Variants in CHRNA1 observed in about 807,000 individuals in gnomAD.
CHRNA1 encodes cholinergic receptor nicotinic alpha 1 subunit, also known as acetylcholine receptor subunit alpha.
In CHRNA1, 35 loss-of-function variants were observed where a neutral mutation model predicts 47.1. The ratio of observed to expected loss-of-function variants is 0.74; its 90% confidence interval spans 0.57 to 0.99. CHRNA1 has a LOEUF of 0.99. CHRNA1 is among the 50% of genes least tolerant of loss of function. The probability of loss-of-function intolerance (pLI) is 0.00; values close to 1 mark genes in which losing one functional copy is unlikely to be tolerated. For synonymous variants in CHRNA1, 229 were observed against 223.6 expected (o/e 1.02, Z -0.22); for missense variants, 506 against 591.1 (o/e 0.86, Z 1.49).
chr2:174,755,351 C>A (rs1683959328), intron 4 of CHRNA1, among the ~76,000 whole-genome samples: 1 of 152,108 alleles, frequency 6.6e-6, no homozygotes, highest in East Asian at 1.9e-4. Flanking sequence ...CCCTGAGGCG[C>A]CCATGTGGGA....
rs1558910143 is a variant in CHRNA1, at chr2:174,750,179, CCAA to C, written c.779-13_779-11del. 27 of 1,393,096 alleles carry C rather than the reference CCAA, an allele frequency of 1.9e-5. No individual in the cohort carries two copies. Among genetic ancestry groups the C allele is most frequent in the Admixed American group, 1.3e-4 (5 of 37,074 alleles). 86.3% of individuals were successfully genotyped at this position (1,393,096 alleles called of 1,614,324 possible). ...AGAGTCATCTTCTCCCCTGAAAAGA[CCAA>C]AAAAAAAAAAAAAAATCCCACAACT... On this transcript the variant is annotated splice_polypyrimidine_tract_variant and intron_variant, in intron 6 of 8. Coordinates refer to ENST00000348749, the MANE Select transcript of CHRNA1 (RefSeq NM_000079.4).
chr2:174,748,420 G>T (rs1683777606), intron 8 of CHRNA1, among the ~76,000 whole-genome samples, 160 bp downstream of exon 8: 1 of 152,140 alleles, frequency 6.6e-6, no homozygotes, highest in Non-Finnish European at 1.5e-5. Flanking sequence ...TTTACAAAGT[G>T]ATAACTTACT....
chr2:174,757,380 T>C (rs1684000039), intron 4 of CHRNA1, among the ~76,000 whole-genome samples, 186 bp downstream of exon 4: 1 of 152,048 alleles, frequency 6.6e-6, no homozygotes, highest in Non-Finnish European at 1.5e-5. Flanking sequence ...GATCTCAAAC[T>C]CCTGGCCTCA....
At chr2:174,754,619 T>C (rs1683937172) in intron 4 of CHRNA1, among the ~76,000 whole-genome samples, 1 of 152,028 alleles carries the variant, frequency 6.6e-6, no homozygotes, top group South Asian at 2.1e-4. Flanking sequence ...AAATACAGAG[T>C]TCTGCACACC....
At chr2:174,750,632 G>C (rs1402805797) in intron 6 of CHRNA1, among the ~76,000 whole-genome samples, 1 of 152,160 alleles carries the variant, frequency 6.6e-6, no homozygotes, top group Admixed American at 6.5e-5. Context: ...GAATGTGACT[G>C]ACATGTTCTC....
intron 5 of CHRNA1, 127 bp from the exon 6 acceptor site, chr2:174,753,867 G>T: frequency 2.3e-6 from 2 of 881,170 alleles, no homozygotes; most frequent in South Asian, 2.8e-5. Flanking sequence ...AGGGACTGTG[G>T]GACACTACTG....
chr2:174,748,178 G>C lies in CHRNA1; in HGVS notation c.1320C>G (p.Ile440Met), dbSNP rs776420240. Reference protein sequence around the residue: ...LLGVFMLVCIIGTLAVFAGRL... With the variant: ...LLGVFMLVCIMGTLAVFAGRL... ...GACCTGCAAACACGGCTAGGGTTCCGATGATGCAAACAAGCATGAAGACTC... is the reference window on the plus strand; with the variant it reads ...GACCTGCAAACACGGCTAGGGTTCCCATGATGCAAACAAGCATGAAGACTC... Residue 440 changes from isoleucine to methionine, a missense_variant, in exon 9 of 9, where the codon ATC (isoleucine) becomes ATG (methionine). Physicochemically the swap from Ile to Met is conservative, Grantham distance 10 (BLOSUM62 1). Transcript: ENST00000348749. The C allele has an allele frequency of 2.5e-6, 4 of 1,613,972 alleles. No individual in the cohort carries two copies. Among genetic ancestry groups the C allele is most frequent in the Non-Finnish European group, 3.4e-6 (4 of 1,180,040 alleles).
intron 1 of CHRNA1, among the ~76,000 whole-genome samples, chr2:174,760,566 G>C (rs1013842202): frequency 6.6e-6 from 1 of 152,164 alleles, no homozygotes; most frequent in Non-Finnish European, 1.5e-5. Flanking sequence ...AGAGGGATCG[G>C]GTGGGACTCC....
intron 6 of CHRNA1, among the ~76,000 whole-genome samples, chr2:174,750,795 A>G (rs1369576847): frequency 6.6e-6 from 1 of 152,156 alleles, no homozygotes; most frequent in Non-Finnish European, 1.5e-5. Flanking sequence ...CTCATGCTCC[A>G]GATTTCTGAT....
In CHRNA1 at chr2:174,748,594, G is replaced by T; in HGVS notation, c.1228C>A (p.Gln410Lys). The T allele has an allele frequency of 6.2e-7, 1 of 1,612,664 alleles. No homozygotes were observed. Among genetic ancestry groups the T allele is most frequent in the Non-Finnish European group, 8.5e-7 (1 of 1,178,824 alleles). Residue 410 changes from glutamine to lysine, a missense_variant, in exon 8 of 9, where the codon CAG becomes AAG. Gln to Lys is a moderately conservative substitution (Grantham distance 53, BLOSUM62 1). Coordinates refer to ENST00000348749, the MANE Select transcript of CHRNA1 (RefSeq NM_000079.4). ...ACGAAGCTTACATTGTTAGACTCCT[G>T]GTCTGACTTCATGGTCTCTGCGATG... is the stretch of plus-strand genomic sequence containing the variant. Reference protein sequence around the residue: ...KYIAETMKSDQESNNAAAEWK... With the variant: ...KYIAETMKSDKESNNAAAEWK...
intron 3 of CHRNA1, chr2:174,757,936 G>T: frequency 1.4e-6 from 2 of 1,433,426 alleles, no homozygotes; most frequent in Non-Finnish European, 2.0e-6. Context: ...AGGGGAGGGT[G>T]ATTACTGACC....
intron 1 of CHRNA1, among the ~76,000 whole-genome samples, chr2:174,762,356 AG>A (rs1377893989): frequency 6.6e-6 from 1 of 152,264 alleles, no homozygotes; most frequent in African/African-American, 2.4e-5. Flanking sequence ...TTTTGTAAAA[AG>A]GTAGGGTGTA....
chr2:174,748,086 A>G lies in CHRNA1; in HGVS notation c.*38T>C, dbSNP rs1348525980. On this transcript the variant is annotated 3_prime_UTR_variant, in exon 9 of 9. Transcript: ENST00000348749. ...CTCTCCTGCCCTTCTCTGCTCTGGT[A>G]GGTTCCAGGGCAGAGCTAAGCTCAG... 6.2e-7 allele frequency: 1 copy of G among 1,613,056 alleles called. No individual in the cohort carries two copies. Among genetic ancestry groups the G allele is most frequent in the South Asian group, 1.1e-5 (1 of 91,066 alleles).
chr2:174,759,719 A>C lies in CHRNA1; in HGVS notation c.44-86T>G, dbSNP rs1179966419. ...ACATGAGGAACTGAGGAACTGAGGC[A>C]TAAGCCTCAGTTCCTTCTAACAGAA... On this transcript the variant is annotated intron_variant, in intron 1 of 8. Transcript: ENST00000348749. 2.0e-6 allele frequency: 3 copies of C among 1,520,700 alleles called. No individual in the cohort carries two copies. The East Asian group carries it at 6.9e-5, about 35-fold the overall frequency. The allele number at this position is 1,520,700 out of a possible 1,614,324, so 94.2% of individuals were successfully genotyped here.
chr2:174,748,687 G>A lies in CHRNA1; in HGVS notation c.1135C>T (p.Pro379Ser). Residue 379 changes from proline (P) to serine (S), a missense_variant, in exon 8 of 9, where the codon CCC becomes TCC. Pro to Ser is a moderately conservative substitution (Grantham distance 74). Coordinates refer to ENST00000348749, the MANE Select transcript of CHRNA1 (RefSeq NM_000079.4). ...ATCAGGGGAGAGTGGAAGCCCATGG[G>A]TGGAGGCCCTGGCTTTCCAGAAATG... Reference protein sequence around the residue: ...SDISGKPGPPPMGFHSPLIKH... With the variant: ...SDISGKPGPPSMGFHSPLIKH... The A allele has an allele frequency of 6.2e-7, 1 of 1,614,212 alleles. No homozygotes were observed. Among genetic ancestry groups the A allele is most frequent in the Non-Finnish European group, 8.5e-7 (1 of 1,180,038 alleles).
intron 3 of CHRNA1, chr2:174,758,048 C>T (rs1251881896): frequency 6.2e-7 from 1 of 1,614,000 alleles, no homozygotes; most frequent in Non-Finnish European, 8.5e-7. Context: ...AGGAGAAAGA[C>T]CTAGTGTGAA....
At chr2:174,751,338 TG>T (rs34092071) in intron 6 of CHRNA1, among the ~76,000 whole-genome samples, 54,288 of 151,918 alleles carry the variant, frequency 0.36, 11,569 homozygotes, top group Non-Finnish European at 0.47. Flanking sequence ...GGACTTTCCC[TG>T]GGCTGGCCTT....
chr2:174,759,608 A>G lies in CHRNA1; in HGVS notation c.69T>C (p.His23=). The change falls in exon 2 of 9, where the codon CAT becomes CAC. Residue 23 remains histidine (H), a synonymous_variant. Transcript: ENST00000348749. The part of the protein sequence containing the change: ...CSAGLVLGSE[H]ETRLVAKLFK... ...ATAGCTTTGCCACCAGACGGGTCTCATGTTCGGAGCCCAGGACGAGGCCAG... is the reference window on the plus strand; with the variant it reads ...ATAGCTTTGCCACCAGACGGGTCTCGTGTTCGGAGCCCAGGACGAGGCCAG... 1 of 1,613,750 alleles carries G rather than the reference A, an allele frequency of 6.2e-7. No homozygotes were observed. The highest frequency in any genetic ancestry group is 8.5e-7 in the Non-Finnish European group (1 of 1,179,914).
intron 1 of CHRNA1, among the ~76,000 whole-genome samples, chr2:174,763,322 ACGCGCG>A (rs373452341): frequency 2.5e-4 from 12 of 47,238 alleles, no homozygotes; most frequent in Non-Finnish European, 1.0e-3. Context: ...ATGTGTGTGC[ACGCGCG>A]CGCACACACA....
Sources: allele counts gnomAD v4.1 joint callset (sites outside exome capture counted in the v4.1 genomes callset), GRCh38; gene constraint gnomAD v4.1.1; transcripts MANE v1.5; gene names NCBI Gene and HGNC (gene_info 2026-07-23, HGNC 2026-07-21).